Variants in CCDC14 observed in about 807,000 individuals in gnomAD.
CCDC14 encodes the protein coiled-coil domain containing 14, also known as coiled-coil domain-containing protein 14.
In CCDC14, 71 loss-of-function variants were observed where a neutral mutation model predicts 81.4. The ratio of observed to expected loss-of-function variants is 0.87; its 90% CI spans 0.72 to 1.06. The LOEUF (loss-of-function observed/expected upper bound fraction) is 1.06. Among genes scored for constraint, CCDC14 ranks in the 50% least tolerant of loss-of-function variants. The pLI is 0.00. For missense variants in CCDC14, 1,046 were observed against 1,047.3 expected, an observed-to-expected ratio of 1.00 and a Z score of 0.02; for synonymous variants, 332 against 364.8, an observed-to-expected ratio of 0.91 and a Z score of 1.03.
At chr3:123,911,921 A>G (rs1431652391), downstream of CCDC14, among the ~76,000 whole-genome samples, 1 of 152,198 alleles carries the variant, frequency 6.6e-6, no homozygotes, top group African/African-American at 2.4e-5. Flanking sequence ...GTGAAAATAA[A>G]GGTTTCTGAA....
At chr3:123,959,024 TTTTC>T (rs922961328) in intron 1 of CCDC14, 6 of 152,204 alleles carry the variant, frequency 3.9e-5, no homozygotes, top group Non-Finnish European at 7.4e-5. Context: ...ATATACCATA[TTTTC>T]TTTATCTGTT....
chr3:123,951,442 T>G (rs2037017775), intron 5 of CCDC14, among the ~76,000 whole-genome samples: 1 of 152,232 alleles, frequency 6.6e-6, no homozygotes, highest in Admixed American at 6.5e-5. Flanking sequence ...AATAAACTTT[T>G]GTAAAGCAAA....
chr3:123,936,545 A>G (rs1199161023), intron 9 of CCDC14, among the ~76,000 whole-genome samples: 2 of 152,158 alleles, frequency 1.3e-5, no homozygotes, highest in African/African-American at 4.8e-5. Context: ...CAAGAACATG[A>G]AGGGAACTGG....
chr3:123,918,991 C>T (rs1312732836), intron 12 of CCDC14, among the ~76,000 whole-genome samples: 1 of 152,152 alleles, frequency 6.6e-6, no homozygotes, highest in Non-Finnish European at 1.5e-5. Flanking sequence ...TTTTCCTAGG[C>T]CAGGAGGCAA....
chr3:123,917,207 A>G (rs771628204), intron 12 of CCDC14, among the ~76,000 whole-genome samples: 2 of 151,334 alleles, frequency 1.3e-5, no homozygotes, highest in Non-Finnish European at 2.9e-5. Context: ...TCAAAAATCA[A>G]TGAGGGCTGG....
rs2034321173 is a variant in CCDC14, at chr3:123,906,750, T to C, written c.668-9137A>G. Among the ~76,000 whole-genome samples, 3 of 152,228 alleles carry C rather than the reference T, an allele frequency of 2.0e-5. No individual in the cohort carries two copies. The South Asian group carries it at 6.2e-4, about 32-fold the overall frequency. On this transcript the variant is annotated intron_variant, in intron 5 of 5. Coordinates refer to the CCDC14 transcript ENST00000479903. The stretch of plus-strand genomic sequence containing the variant: ...TCCATGACACATTTCTTAGAAGCCA[T>C]GCTTAGAGCTGGGAGGCAATAGTGT...
chr3:123,926,039 T>TGCATA (rs2035342232), intron 12 of CCDC14, among the ~76,000 whole-genome samples: 1 of 152,206 alleles, frequency 6.6e-6, no homozygotes, highest in African/African-American at 2.4e-5. Flanking sequence ...TTGATCAGAC[T>TGCATA]GCATACCGAA....
At position 123,961,210 on chromosome 3, in the gene CCDC14, T is replaced by C. The variant is rs564433086; in HGVS notation, c.-37A>G. Reference sequence around the variant, plus strand: ...TCAGAGAAGCCCAGACCGAGGGAAGTGAAGCCTCACGGTAAAAAGAATTAA... The same window carrying C: ...TCAGAGAAGCCCAGACCGAGGGAAGCGAAGCCTCACGGTAAAAAGAATTAA... On this transcript the variant is annotated 5_prime_UTR_variant, in exon 1 of 13. Transcript: ENST00000409697. 1.3e-6 allele frequency: 2 copies of C among 1,551,544 alleles called. No homozygotes were observed. Among genetic ancestry groups the C allele is most frequent in the South Asian group, 1.2e-5 (1 of 84,054 alleles).
chr3:123,923,469 G>A (rs1298757015), intron 12 of CCDC14, among the ~76,000 whole-genome samples: 1 of 151,844 alleles, frequency 6.6e-6, no homozygotes, highest in Non-Finnish European at 1.5e-5. Context: ...AAGATAATAA[G>A]AAAGGAAGAA....
intron 5 of CCDC14, among the ~76,000 whole-genome samples, chr3:123,902,778 A>G (rs1272779297): frequency 1.3e-5 from 2 of 152,162 alleles, no homozygotes; most frequent in African/African-American, 4.8e-5. Context: ...TAATTTTTTT[A>G]GATATGATAA....
chr3:123,939,673 G>A (rs1390966454), intron 9 of CCDC14, among the ~76,000 whole-genome samples: 2 of 150,816 alleles, frequency 1.3e-5, no homozygotes, highest in African/African-American at 4.9e-5. Context: ...ATTTTGCCTT[G>A]TGTGATTCCC....
At chr3:123,892,615 AACTT>A (rs1448773413), downstream of CCDC14, among the ~76,000 whole-genome samples, 1 of 152,118 alleles carries the variant, frequency 6.6e-6, no homozygotes, top group African/African-American at 2.4e-5. Context: ...AAATTTTCTA[AACTT>A]TCACAAGAAC....
chr3:123,888,274 T>C, the CCDC14 span, among the ~76,000 whole-genome samples: 1 of 152,162 alleles, frequency 6.6e-6, no homozygotes, highest in Non-Finnish European at 1.5e-5. Flanking sequence ...AGTAGCTATA[T>C]GAGAGTTGAC....
At chr3:123,922,260 T>C (rs1350922686) in intron 12 of CCDC14, among the ~76,000 whole-genome samples, 1 of 151,936 alleles carries the variant, frequency 6.6e-6, no homozygotes, top group Non-Finnish European at 1.5e-5. Flanking sequence ...AATAAACATA[T>C]ATCAAAAAAG....
intron 5 of CCDC14, among the ~76,000 whole-genome samples, chr3:123,950,417 T>C (rs892310098): frequency 1.3e-5 from 2 of 152,196 alleles, no homozygotes; most frequent in African/African-American, 2.4e-5. Context: ...GGATAAACTG[T>C]GGTATACTCG....
At chr3:123,939,684 T>C (rs1410835121) in intron 9 of CCDC14, among the ~76,000 whole-genome samples, 1 of 151,914 alleles carries the variant, frequency 6.6e-6, no homozygotes, top group Non-Finnish European at 1.5e-5. Context: ...TGTGATTCCC[T>C]CAAGCTTATC....
At chr3:123,895,041 A>G (rs1577192464), downstream of CCDC14, among the ~76,000 whole-genome samples, 1 of 152,202 alleles carries the variant, frequency 6.6e-6, no homozygotes, top group South Asian at 2.1e-4. Flanking sequence ...GACAAAATAA[A>G]TTTCCTTCAG....
rs1005575918 is a variant in CCDC14 at position 123,897,564 on chromosome 3, G to A, written c.718C>T (p.Pro240Ser). Residue 240 changes from proline to serine, a missense_variant, in exon 6 of 6, where the codon CCC becomes TCC. Physicochemically the swap from Pro to Ser is moderately conservative, Grantham distance 74. Coordinates refer to the CCDC14 transcript ENST00000479903. ...TTCCGTAGTTCATGTACTGTATTGG[G>A]CTTTTGTGTAAGACTTTGCAGAACA... is the stretch of plus-strand genomic sequence containing the variant. 7 of 1,183,504 alleles carry A rather than the reference G, an allele frequency of 5.9e-6. No homozygotes were observed. The African/African-American group carries it at 9.5e-5, about 16-fold the overall frequency. 73.3% of individuals were successfully genotyped at this position (1,183,504 alleles called of 1,614,324 possible).
intron 5 of CCDC14, among the ~76,000 whole-genome samples, chr3:123,898,183 T>C (rs1363590628): frequency 6.6e-6 from 1 of 152,198 alleles, no homozygotes; most frequent in African/African-American, 2.4e-5. Context: ...CTTAATTTCT[T>C]CTGGACCCGA....
Sources: gnomAD v4.1 joint callset for allele counts (sites outside exome capture counted in the v4.1 genomes callset) on GRCh38, gnomAD v4.1.1 for gene constraint, MANE v1.5 for transcripts, NCBI Gene and HGNC (gene_info 2026-07-23, HGNC 2026-07-21) for gene names.